Variants in MRPL2 observed in about 807,000 individuals in gnomAD.
MRPL2 encodes the protein large ribosomal subunit protein uL2m.
A neutral mutation model predicts 34.6 loss-of-function variants in MRPL2; 27 were observed. The ratio of observed to expected loss-of-function variants is 0.78; its 90% CI spans 0.58 to 1.08. MRPL2 has a LOEUF of 1.08. Among genes scored for constraint, MRPL2 ranks in the 50% least tolerant of loss-of-function variants. The probability of loss-of-function intolerance (pLI) is 0.00; values close to 1 mark genes in which losing one functional copy is unlikely to be tolerated. For missense variants in MRPL2, 414 were observed against 419.3 expected (o/e 0.99, Z 0.11); for synonymous variants, 155 against 158.0 (o/e 0.98, Z 0.14).
chr6:43,054,180 AAAC>A lies in MRPL2; in HGVS notation c.*91_*93del, dbSNP rs951188687. The A allele has an allele frequency of 4.4e-4, 452 of 1,028,784 alleles. 1 individual carries two copies. Among genetic ancestry groups the A allele is most frequent in the South Asian group, 8.6e-4 (55 of 63,966 alleles). 63.7% of individuals were successfully genotyped at this position (1,028,784 alleles called of 1,614,324 possible). On this transcript the variant is annotated 3_prime_UTR_variant, in exon 7 of 7. Coordinates refer to ENST00000388752, the MANE Select transcript of MRPL2 (RefSeq NM_015950.5). ...TACCATCCCCTCCCCCGCAAAAAAAAAACAACAACAAAAAAAACAAAAAACACC... is the reference window on the plus strand; with the variant it reads ...TACCATCCCCTCCCCCGCAAAAAAAAAACAACAAAAAAAACAAAAAACACC...
intron 3 of MRPL2, 37 bp downstream of exon 3, chr6:43,056,267 ATTC>A (rs1561905547): frequency 6.2e-7 from 1 of 1,614,112 alleles, no homozygotes; most frequent in East Asian, 2.2e-5. Flanking sequence ...CTATGGAGTT[ATTC>A]AGACCATTCC....
rs1376092911 is a variant in MRPL2, at chr6:43,054,413, GC to G, written c.778del (p.Ala260GlnfsTer33). The G allele has an allele frequency of 6.2e-7, 1 of 1,614,218 alleles. No individual in the cohort carries two copies. The highest frequency in any genetic ancestry group is 8.5e-7 in the Non-Finnish European group (1 of 1,180,050). On this transcript the variant is annotated frameshift_variant, in exon 7 of 7. Transcript: ENST00000388752. LOFTEE classifies it high-confidence loss of function. ...VDHNKRVIGK[A>X]GRNRWLGKRP... Reference sequence around the variant, plus strand: ...CTTGCCCAGCCAGCGGTTGCGACCTGCCTTGCCAATGACCCGTTTGTTATGA... The same window carrying G: ...CTTGCCCAGCCAGCGGTTGCGACCTGCTTGCCAATGACCCGTTTGTTATGA...
rs763975744 is a variant in MRPL2, at chr6:43,055,581, T to C, written c.669A>G (p.Thr223=). ...TCTTAGAGGGCAGCTGGATAATGGC[T>C]GTGCCATTCACCTTCCGCAGTAGCA... is the stretch of plus-strand genomic sequence containing the variant. ...CGVLLRKVNG[T]AIIQLPSKRQ... is the part of the protein sequence containing the mutation. Residue 223 remains threonine (T), a synonymous_variant, in exon 6 of 7, where the codon ACA becomes ACG. Transcript: ENST00000388752. 3.1e-6 allele frequency: 5 copies of C among 1,614,002 alleles called. No individual in the cohort carries two copies. The highest frequency in any genetic ancestry group is 4.2e-6 in the Non-Finnish European group (5 of 1,180,042).
upstream of MRPL2, chr6:43,059,843 CCAGA>C (rs988569087): frequency 8.5e-6 from 10 of 1,172,780 alleles, no homozygotes; most frequent in African/African-American, 1.1e-4. Context: ...CCCTCGGCGT[CCAGA>C]CAGATAGACA....
chr6:43,059,647 A>T, upstream of MRPL2: 4 of 1,366,522 alleles, frequency 2.9e-6, no homozygotes, highest in South Asian at 1.9e-5. Context: ...TTAAAGGGGC[A>T]GTACCGGCAA....
chr6:43,057,014 G>A (rs1250690600), intron 2 of MRPL2, among the ~76,000 whole-genome samples: 2 of 151,610 alleles, frequency 1.3e-5, no homozygotes, highest in Non-Finnish European at 1.5e-5. Flanking sequence ...TTTACTGAGA[G>A]CCATGTAAAT....
chr6:43,059,077 C>T (rs897739898), intron 1 of MRPL2: 5 of 1,474,580 alleles, frequency 3.4e-6, no homozygotes, highest in Non-Finnish European at 4.6e-6. Context: ...CTGCAAAGCA[C>T]TTTCACCTTA....
chr6:43,056,162 G>C lies in MRPL2; in HGVS notation c.439C>G (p.Arg147Gly). Residue 147 changes from arginine to glycine, a missense_variant, in exon 4 of 7, where the codon CGG becomes GGG. Transcript: ENST00000388752. ...TCTGTGGCGATGATCCAGCGTTTCC[G>C]GCTGCCCCCAGCAACCAGAGCTATG... ...ADIALVAGGS[R>G]KRWIIATENM... 1 of 1,614,094 alleles carries C rather than the reference G, an allele frequency of 6.2e-7. No individual in the cohort carries two copies. The highest frequency in any genetic ancestry group is 8.5e-7 in the Non-Finnish European group (1 of 1,180,012).
chr6:43,059,255 A>C (rs1026259033), intron 1 of MRPL2, 31 bp downstream of exon 1: 2 of 1,551,104 alleles, frequency 1.3e-6, no homozygotes, highest in Non-Finnish European at 1.7e-6. Context: ...CCCGAATGGA[A>C]GCAGCCTTCT....
In MRPL2 at chr6:43,054,312, T is replaced by A. The variant is rs765544147; in HGVS notation, c.880A>T (p.Ser294Cys). The A allele has an allele frequency of 1.4e-5, 22 of 1,604,576 alleles. No homozygotes were observed. The African/African-American group carries it at 3.0e-4, about 22-fold the overall frequency. ...GAAGCAGAAGGCAGCTTCACGTAAC[T>A]CTTCATGGGGGGTAGTGGCCGAATC... ...RKIRPLPPMK[S>C]YVKLPSASAQ... is the part of the protein sequence containing the mutation. Residue 294 changes from serine to cysteine, a missense_variant, in exon 7 of 7, where the codon AGT (serine) becomes TGT (cysteine). Coordinates refer to ENST00000388752, the MANE Select transcript of MRPL2 (RefSeq NM_015950.5).
chr6:43,058,959 C>T, intron 1 of MRPL2: 1 of 634,504 alleles, frequency 1.6e-6, no homozygotes, highest in Non-Finnish European at 2.7e-6. Context: ...TAGTAACTGC[C>T]TTATAGAGTA....
At position 43,054,340 on chromosome 6, in the gene MRPL2, T is replaced by C. The variant is rs1442119950; in HGVS notation, c.852A>G (p.Arg284=). The change falls in exon 7 of 7, where the codon CGA becomes CGG. Residue 284 remains arginine (R), a synonymous_variant. Transcript: ENST00000388752. ...RWHRKGGWAG[R]KIRPLPPMKS... is the part of the protein sequence containing the mutation. ...TCATGGGGGGTAGTGGCCGAATCTT[T>C]CGGCCAGCCCAGCCCCCCTTGCGGT... 2.5e-6 allele frequency: 4 copies of C among 1,613,928 alleles called. 1 individual carries two copies. The South Asian group carries it at 3.3e-5, about 13-fold the overall frequency.
upstream of MRPL2, chr6:43,059,442 C>T: frequency 2.7e-6 from 4 of 1,476,642 alleles, no homozygotes; most frequent in South Asian, 2.7e-5. Flanking sequence ...GTTGACTGTC[C>T]GGCGCCGTCG....
chr6:43,056,057 A>G lies in MRPL2; in HGVS notation c.520+24T>C, dbSNP rs1007557438. On this transcript the variant is annotated intron_variant, in intron 4 of 6. Transcript: ENST00000388752. ...CTAGAACTTTTGCTGCCTCCAGCCC[A>G]CACATCTGGTAGCCATCTCTCACCT... is the stretch of plus-strand genomic sequence containing the variant. 10 of 1,613,996 alleles carry G rather than the reference A, an allele frequency of 6.2e-6. No homozygotes were observed. In the African/African-American group the frequency reaches 1.2e-4, roughly 19 times the overall value.
At chr6:43,055,091 G>A (rs959172073) in intron 6 of MRPL2, among the ~76,000 whole-genome samples, 2 of 151,340 alleles carry the variant, frequency 1.3e-5, no homozygotes, top group African/African-American at 4.9e-5. Flanking sequence ...AGGGCCGGGT[G>A]TGGTGGCTCA....
At position 43,054,477 on chromosome 6, in the gene MRPL2, T is replaced by C; in HGVS notation, c.715A>G (p.Thr239Ala). 1.2e-6 allele frequency: 2 copies of C among 1,614,054 alleles called. No homozygotes were observed. Among genetic ancestry groups the C allele is most frequent in the Non-Finnish European group, 1.7e-6 (2 of 1,179,996 alleles). Residue 239 changes from threonine to alanine, a missense_variant, in exon 7 of 7, where the codon ACG (threonine) becomes GCG (alanine). Physicochemically the swap from Thr to Ala is moderately conservative, Grantham distance 58 (BLOSUM62 0). Transcript: ENST00000388752. ...ACTCGGCCTACTGTTGCTACGCACG[T>C]TTCCAGCACCTGACAGAGAAAACAG... ...PSKRQMQVLE[T>A]CVATVGRVSN...
At chr6:43,054,820 T>C (rs1403970104) in intron 6 of MRPL2, among the ~76,000 whole-genome samples, 3 of 152,082 alleles carry the variant, frequency 2.0e-5, no homozygotes, top group African/African-American at 7.2e-5. Flanking sequence ...GGCTGACACC[T>C]GTAATTCCAG....
intron 1 of MRPL2, among the ~76,000 whole-genome samples, chr6:43,058,665 C>T (rs1477407563): frequency 1.3e-5 from 2 of 152,188 alleles, no homozygotes; most frequent in African/African-American, 2.4e-5. Flanking sequence ...TTTAAACATG[C>T]ATCTCCCAAA....
At position 43,054,376 on chromosome 6, in the gene MRPL2, ACT is replaced by A. The variant is rs753720227; in HGVS notation, c.814_815del (p.Ser272TrpfsTer83). ...RNRWLGKRPN[S>X]GRWHRKGGWA... ...AGCCCCCCTTGCGGTGCCACCGCCCACTGTTAGGCCTCTTGCCCAGCCAGCGG... is the reference window on the plus strand; with the variant it reads ...AGCCCCCCTTGCGGTGCCACCGCCCAGTTAGGCCTCTTGCCCAGCCAGCGG... On this transcript the variant is annotated frameshift_variant, in exon 7 of 7. Coordinates refer to ENST00000388752, the MANE Select transcript of MRPL2 (RefSeq NM_015950.5). LOFTEE classifies it high-confidence loss of function. The A allele has an allele frequency of 9.5e-5, 154 of 1,614,080 alleles. No individual in the cohort carries two copies. The highest frequency in any genetic ancestry group is 1.3e-4 in the Non-Finnish European group (150 of 1,180,022).
Sources: allele counts gnomAD v4.1 joint callset (sites outside exome capture counted in the v4.1 genomes callset), GRCh38; gene constraint gnomAD v4.1.1; transcripts MANE v1.5; gene names NCBI Gene and HGNC (gene_info 2026-07-23, HGNC 2026-07-21).